Variants in PREX1 observed in about 807,000 individuals in gnomAD.
PREX1 encodes phosphatidylinositol 3,4,5-trisphosphate-dependent Rac exchanger 1 protein.
A neutral mutation model predicts 198.3 loss-of-function variants in PREX1; 41 were observed. That is an observed-to-expected ratio of 0.21 (90% CI 0.16 to 0.27). The LOEUF is 0.27. Ranked by LOEUF, PREX1 falls within the 10% of genes least tolerant of loss-of-function variation. PREX1 has a pLI of 1.00. For missense variants in PREX1, 1,620 were observed against 2,200.7 expected (o/e 0.74, Z 5.28); for synonymous variants, 843 against 887.2 (o/e 0.95, Z 0.89).
At chr20:48,645,768 A>G in intron 26 of PREX1, 83 bp downstream of exon 26, 1 of 1,458,608 alleles carries the variant, frequency 6.9e-7, no homozygotes, top group South Asian at 1.2e-5. Context: ...GTGTCCACTG[A>G]TTCTGATGTT....
rs1215663969 is a variant in PREX1, at chr20:48,700,881, G to A, written c.789C>T (p.Ser263=). The A allele has an allele frequency of 2.5e-6, 4 of 1,614,162 alleles. No individual in the cohort carries two copies. The highest frequency in any genetic ancestry group is 1.7e-5 in the Admixed American group (1 of 60,026). ...GCTGAGTGCAGATGTCTGTGAGGTT[G>A]GAACCCTGGAAGCGCAATGAGGACA... ...LQSHIEGWEG[S]NLTDICTQLL... is the part of the protein sequence containing the mutation. The change falls in exon 7 of 40, where the codon TCC becomes TCT. Residue 263 remains serine (S), a synonymous_variant. Transcript: ENST00000371941.
At chr20:48,702,589 C>A (rs188176509) in intron 6 of PREX1, among the ~76,000 whole-genome samples, 10 of 152,350 alleles carry the variant, frequency 6.6e-5, no homozygotes, top group Middle Eastern at 3.4e-3. Flanking sequence ...GGCTTTCCTC[C>A]CTTTCCTCTT....
intron 25 of PREX1, among the ~76,000 whole-genome samples, chr20:48,646,553 T>C (rs1450749598): frequency 6.6e-6 from 1 of 151,518 alleles, no homozygotes; most frequent in Non-Finnish European, 1.5e-5. Flanking sequence ...TAACTGGGTG[T>C]GGTGGCGGGT....
rs1174797284 is a variant in PREX1, at chr20:48,627,557, C to A, written c.4928G>T (p.Gly1643Val). 1.2e-6 allele frequency: 2 copies of A among 1,613,922 alleles called. No individual in the cohort carries two copies. Among genetic ancestry groups the A allele is most frequent in the Admixed American group, 1.7e-5 (1 of 60,010 alleles). ...CGAGGCAGCCACTCACCGCGGAGCA[C>A]CCTGGGGCATCTGGTCCTTGACTCG... Reference protein sequence around the residue: ...NLRVKDQMPQGAPRLYRLCQP... With the variant: ...NLRVKDQMPQVAPRLYRLCQP... Residue 1643 changes from glycine to valine, a missense_variant, in exon 39 of 40, where the codon GGT becomes GTT. Gly to Val is a moderately radical substitution (Grantham distance 109). Transcript: ENST00000371941.
intron 10 of PREX1, among the ~76,000 whole-genome samples, chr20:48,686,654 C>T (rs532575863): frequency 8.5e-5 from 13 of 152,316 alleles, no homozygotes; most frequent in Admixed American, 2.0e-4. Context: ...CAGGCTGCCC[C>T]GCCCCGCCTG....
At chr20:48,713,243 G>C (rs2089943156) in intron 5 of PREX1, among the ~76,000 whole-genome samples, 1 of 152,186 alleles carries the variant, frequency 6.6e-6, no homozygotes, top group African/African-American at 2.4e-5. Flanking sequence ...CCTGAGGTAA[G>C]GACTTCAAGA....
intron 35 of PREX1, 24 bp downstream of exon 35, chr20:48,632,253 C>G (rs1325356881): frequency 2.5e-6 from 4 of 1,611,432 alleles, no homozygotes; most frequent in Admixed American, 1.7e-5. Flanking sequence ...ACTCCTGCCC[C>G]CAACGGGGAC....
chr20:48,632,542 C>T lies in PREX1; in HGVS notation c.4365G>A (p.Leu1455=). 6.2e-7 allele frequency: 1 copy of T among 1,614,018 alleles called. No homozygotes were observed. The highest frequency in any genetic ancestry group is 8.5e-7 in the Non-Finnish European group (1 of 1,179,938). The change falls in exon 34 of 40, where the codon CTG becomes CTA. Residue 1455 remains leucine (L), a synonymous_variant. Coordinates refer to ENST00000371941, the MANE Select transcript of PREX1 (RefSeq NM_020820.4). ...SYHFSKLPSR[L]EGGASLRLHT... Reference sequence around the variant, plus strand: ...GCAGCCTCAGGCTGGCCCCACCCTCCAGGCGGGAGGGCAGCTTGGAGAAGT... The same window carrying T: ...GCAGCCTCAGGCTGGCCCCACCCTCTAGGCGGGAGGGCAGCTTGGAGAAGT...
the PREX1 span, among the ~76,000 whole-genome samples, chr20:48,885,329 G>A: frequency 1.4e-4 from 22 of 152,258 alleles, no homozygotes; most frequent in East Asian, 2.7e-3. Flanking sequence ...ACATGACAGC[G>A]AATACATGAA....
At chr20:48,655,215 G>A in intron 19 of PREX1, 75 bp downstream of exon 19, 1 of 1,350,586 alleles carries the variant, frequency 7.4e-7, no homozygotes, top group East Asian at 2.5e-5. Context: ...AGTTCAGAAG[G>A]CTCTGAACTC....
intron 1 of PREX1, among the ~76,000 whole-genome samples, chr20:48,755,871 C>T (rs561262185): frequency 2.0e-5 from 3 of 152,278 alleles, no homozygotes; most frequent in South Asian, 4.1e-4. Context: ...CTACAATGAA[C>T]ATGCTACTTT....
chr20:48,865,251 G>A, the PREX1 span, among the ~76,000 whole-genome samples: 1 of 152,178 alleles, frequency 6.6e-6, no homozygotes, highest in Non-Finnish European at 1.5e-5. Flanking sequence ...GCAGTTTCAG[G>A]TCTAGGGGTT....
rs374276046 is a variant in PREX1, at chr20:48,794,429, T to G, written c.219+33213A>C. 4.6e-5 allele frequency among the ~76,000 whole-genome samples: 7 copies of G among 152,150 alleles called. No individual in the cohort carries two copies. The East Asian group carries it at 5.8e-4, about 13-fold the overall frequency. On this transcript the variant is annotated intron_variant, in intron 1 of 39. Coordinates refer to ENST00000371941, the MANE Select transcript of PREX1 (RefSeq NM_020820.4). ...ACCAGGACAATGAAAACAAGAGCTC[T>G]CTCTCCACTCCAGAAGGAAAGAGGC... is the stretch of plus-strand genomic sequence containing the variant.
At chr20:48,825,866 C>T (rs537177746) in intron 1 of PREX1, among the ~76,000 whole-genome samples, 1 of 115,968 alleles carries the variant, frequency 8.6e-6, no homozygotes, top group African/African-American at 3.3e-5. Context: ...CCCCACCCCC[C>T]ACCCCCGAAA....
intron 14 of PREX1, among the ~76,000 whole-genome samples, chr20:48,674,351 G>C (rs947017974): frequency 1.3e-5 from 2 of 152,196 alleles, no homozygotes; most frequent in Non-Finnish European, 2.9e-5. Context: ...CACGTATCAG[G>C]AATTTGTGCA....
Position 48,734,582 on chromosome 20 carries a change from C to T in PREX1, c.483G>A (p.Glu161=), listed in dbSNP as rs752480465. The T allele has an allele frequency of 6.2e-7, 1 of 1,614,162 alleles. No homozygotes were observed. Among genetic ancestry groups the T allele is most frequent in the Admixed American group, 1.7e-5 (1 of 60,026 alleles). The change falls in exon 4 of 40, where the codon GAG becomes GAA. Residue 161 remains glutamate (E), a synonymous_variant. Transcript: ENST00000371941. The stretch of plus-strand genomic sequence containing the variant: ...CGCGCACGGTAGGGATCTTGTTCAG[C>T]TCCACCAGCAGCCTCAGGGCTTTCT... The part of the protein sequence containing the change: ...NHEKALRLLV[E]LNKIPTVRAF...
chr20:48,634,172 A>G (rs1460518623), intron 33 of PREX1, among the ~76,000 whole-genome samples: 2 of 98,010 alleles, frequency 2.0e-5, no homozygotes, highest in African/African-American at 6.9e-5. Flanking sequence ...GGATGGATGG[A>G]TGCATGGATG....
intron 5 of PREX1, among the ~76,000 whole-genome samples, chr20:48,717,896 G>A (rs1223087929): frequency 6.6e-6 from 1 of 152,144 alleles, no homozygotes; most frequent in Non-Finnish European, 1.5e-5. Flanking sequence ...ATGCCTCTTG[G>A]GTATGCAAGG....
the PREX1 span, among the ~76,000 whole-genome samples, chr20:48,867,849 C>T: frequency 6.6e-6 from 1 of 151,564 alleles, no homozygotes; most frequent in African/African-American, 2.4e-5. Flanking sequence ...ATACACATAA[C>T]CTAAAATTTA....
Sources: gnomAD v4.1 joint callset for allele counts (sites outside exome capture counted in the v4.1 genomes callset) on GRCh38, gnomAD v4.1.1 for gene constraint, MANE v1.5 for transcripts, NCBI Gene and HGNC (gene_info 2026-07-23, HGNC 2026-07-21) for gene names.